The following HTR3D variants were observed in gnomAD, a reference collection of about 807,000 sequenced individuals.
HTR3D encodes the protein 5-hydroxytryptamine (serotonin) receptor 3 family member D.
A neutral mutation model predicts 45.8 loss-of-function variants in HTR3D; 47 were observed. That is an observed-to-expected ratio of 1.03 (90% CI 0.81 to 1.31). The LOEUF is 1.31. HTR3D is among the 50% of genes most tolerant of loss of function. The probability of loss-of-function intolerance (pLI) is 0.00; values close to 1 mark genes in which losing one functional copy is unlikely to be tolerated. For synonymous variants in HTR3D, 203 were observed against 199.8 expected (o/e 1.02, Z -0.13); for missense variants, 448 against 506.9 (o/e 0.88, Z 1.12).
Position 184,038,983 on chromosome 3 carries a change from C to T in HTR3D, c.*8C>T. The T allele has an allele frequency of 6.2e-7, 1 of 1,613,078 alleles. No homozygotes were observed. The highest frequency in any genetic ancestry group is 8.5e-7 in the Non-Finnish European group (1 of 1,179,196). On this transcript the variant is annotated 3_prime_UTR_variant, in exon 8 of 8. Coordinates refer to ENST00000428798, the MANE Select transcript of HTR3D (RefSeq NM_001145143.1). The surrounding 1 kb of genome is among the most constrained non-coding windows in gnomAD (Gnocchi z 4.5). The stretch of plus-strand genomic sequence containing the variant: ...TGCCTCTGGAACACCTAGGCAGGTG[C>T]TCACCTGCAAACTTCAGTCTGGACT...
intron 2 of HTR3D, among the ~76,000 whole-genome samples, chr3:184,035,502 C>T (rs1207911170): frequency 6.6e-6 from 1 of 152,090 alleles, no homozygotes; most frequent in African/African-American, 2.4e-5. Context: ...CAAGCTCAAG[C>T]TCTGTCTTGA....
chr3:184,033,061 G>A (rs752732862), intron 1 of HTR3D: 3 of 1,548,730 alleles, frequency 1.9e-6, no homozygotes, highest in Non-Finnish European at 2.6e-6. Flanking sequence ...TCTGGAAGTT[G>A]TAAGTCCTCA....
In HTR3D at chr3:184,038,412, T is replaced by C. The variant is rs116296474; in HGVS notation, c.773T>C (p.Val258Ala). The change falls in exon 7 of 8, where the codon GTC (valine) becomes GCC (alanine). Residue 258 changes from valine (V) to alanine (A), a missense_variant. By Grantham distance (64) the Val-to-Ala change is moderately conservative. Transcript: ENST00000428798. The surrounding 1 kb of genome is among the most constrained non-coding windows in gnomAD (Gnocchi z 4.5). ...PHPSRDQKRGVYFALCLSLMV... is the reference protein window; with the variant it reads ...PHPSRDQKRGAYFALCLSLMV... ...ATGCAGACCCCCTTGCCTGCAGGTGTCTACTTCGCCCTGTGCCTGTCCCTG... is the reference window on the plus strand; with the variant it reads ...ATGCAGACCCCCTTGCCTGCAGGTGCCTACTTCGCCCTGTGCCTGTCCCTG... 1.1e-3 allele frequency: 1,744 copies of C among 1,614,126 alleles called. 15 individuals carry two copies. The African/African-American group carries it at 0.021, about 19-fold the overall frequency.
At chr3:184,036,141 A>C in intron 3 of HTR3D, 41 bp downstream of exon 3, 1 of 1,535,282 alleles carries the variant, frequency 6.5e-7, no homozygotes, top group Non-Finnish European at 8.8e-7. Context: ...AACCACGTCT[A>C]CAGGGAAGGA....
chr3:184,032,850 G>T, intron 1 of HTR3D: 1 of 1,551,622 alleles, frequency 6.4e-7, no homozygotes, highest in Non-Finnish European at 8.7e-7. Flanking sequence ...CACTCTCCAG[G>T]CCCCCCAGCC....
Position 184,038,461 on chromosome 3 carries a change from C to T in HTR3D, c.822C>T (p.Thr274=). 1 of 1,614,126 alleles carries T rather than the reference C, an allele frequency of 6.2e-7. No individual in the cohort carries two copies. Among genetic ancestry groups the T allele is most frequent in the Non-Finnish European group, 8.5e-7 (1 of 1,180,032 alleles). The change falls in exon 7 of 8, where the codon ACC becomes ACT. Residue 274 remains threonine, a synonymous_variant. Transcript: ENST00000428798. The surrounding 1 kb of genome is among the most constrained non-coding windows in gnomAD (Gnocchi z 4.5). ...TGATGGTGGGCAGCCTGCTGGAGAC[C>T]ATCTTCATCACCCACCTGCTGCACG... ...LSLMVGSLLE[T]IFITHLLHVA...
At chr3:184,032,317 A>G (rs1222915784) in intron 1 of HTR3D, among the ~76,000 whole-genome samples, 3 of 152,156 alleles carry the variant, frequency 2.0e-5, no homozygotes, top group Admixed American at 6.5e-5. Flanking sequence ...AGATAATCCT[A>G]GTGATGAAGA....
Position 184,038,936 on chromosome 3 carries a change from C to T in HTR3D, c.1176C>T (p.Ala392=). ...TCCGCCTCTACCTGCTCTTCATGGC[C>T]TCCTCCATCATCACCGTCATATGCC... The part of the protein sequence containing the change: ...LLFRLYLLFM[A]SSIITVICLW... Residue 392 remains alanine (A), a synonymous_variant, in exon 8 of 8, where the codon GCC becomes GCT. Transcript: ENST00000428798. The surrounding 1 kb of genome is among the most constrained non-coding windows in gnomAD (Gnocchi z 4.5). The T allele has an allele frequency of 6.2e-7, 1 of 1,614,166 alleles. No homozygotes were observed. The highest frequency in any genetic ancestry group is 8.5e-7 in the Non-Finnish European group (1 of 1,180,008).
chr3:184,037,682 G>A (rs577128313), intron 5 of HTR3D, among the ~76,000 whole-genome samples: 149 of 152,260 alleles, frequency 9.8e-4, no homozygotes, highest in Non-Finnish European at 1.7e-3. Flanking sequence ...AGACCTTGAC[G>A]AGAAAAGCAA....
intron 1 of HTR3D, chr3:184,033,013 C>A (rs746026102): frequency 5.2e-6 from 8 of 1,551,950 alleles, no homozygotes; most frequent in Non-Finnish European, 7.0e-6. Context: ...ACTACAGTGT[C>A]GCCACTCATG....
intron 1 of HTR3D, among the ~76,000 whole-genome samples, chr3:184,032,038 A>G (rs1722765334): frequency 7.5e-6 from 1 of 132,512 alleles, no homozygotes; most frequent in Admixed American, 8.6e-5. Flanking sequence ...TCTGTTACCC[A>G]GGCTAGAGTG....
chr3:184,033,202 C>A, intron 1 of HTR3D: 2 of 618,370 alleles, frequency 3.2e-6, no homozygotes, highest in East Asian at 5.8e-5. Flanking sequence ...CTCACTGCAA[C>A]CTCTGCCTCC....
chr3:184,033,055 G>T, intron 1 of HTR3D: 1 of 1,550,576 alleles, frequency 6.4e-7, no homozygotes. Flanking sequence ...CTGCCATCTG[G>T]AAGTTGTAAG....
Position 184,039,201 on chromosome 3 carries a change from C to T in HTR3D, c.*226C>T. 2 of 534,842 alleles carry T rather than the reference C, an allele frequency of 3.7e-6. No homozygotes were observed. The highest frequency in any genetic ancestry group is 2.7e-5 in the South Asian group (1 of 36,522). The allele number at this position is 534,842 out of a possible 1,614,324, so 33.1% of individuals were successfully genotyped here. A position where few individuals can be genotyped will look rare whatever the true frequency, so the allele number is the denominator to read the frequency against. ...ACTCAGCCCTCCCATACCTCCCTGG[C>T]TCCTCAGGATTCAGGTTCCTAGGGT... On this transcript the variant is annotated 3_prime_UTR_variant, in exon 8 of 8. Coordinates refer to ENST00000428798, the MANE Select transcript of HTR3D (RefSeq NM_001145143.1).
At position 184,038,001 on chromosome 3, in the gene HTR3D, C is replaced by A; in HGVS notation, c.517-20C>A. ...CTCCCAGCCTACTTCTCACTTGCCC[C>A]TCCTTCTCCTCCCCACCAGGTGGCC... On this transcript the variant is annotated intron_variant, in intron 5 of 7. Transcript: ENST00000428798. The surrounding 1 kb of genome is among the most constrained non-coding windows in gnomAD (Gnocchi z 4.5). 6.2e-7 allele frequency: 1 copy of A among 1,610,952 alleles called. No individual in the cohort carries two copies. The highest frequency in any genetic ancestry group is 8.5e-7 in the Non-Finnish European group (1 of 1,177,894).
rs778221584 is a variant in HTR3D at position 184,038,338 on chromosome 3, G to T, written c.769+65G>T. 30 of 1,612,322 alleles carry T rather than the reference G, an allele frequency of 1.9e-5. No homozygotes were observed. The highest frequency in any genetic ancestry group is 2.5e-5 in the Non-Finnish European group (29 of 1,178,646). Reference sequence around the variant, plus strand: ...GAAGTGAAAAGGGATCCTGGAAAAAGATCCTCTGGGAAAGAAACAAGAAAT... The same window carrying T: ...GAAGTGAAAAGGGATCCTGGAAAAATATCCTCTGGGAAAGAAACAAGAAAT... On this transcript the variant is annotated intron_variant, in intron 6 of 7. Transcript: ENST00000428798. The surrounding 1 kb of genome is among the most constrained non-coding windows in gnomAD (Gnocchi z 4.5).
In HTR3D at chr3:184,036,830, G is replaced by A. The variant is rs1489744369; in HGVS notation, c.450G>A (p.Leu150=). 2 of 1,551,708 alleles carry A rather than the reference G, an allele frequency of 1.3e-6. No homozygotes were observed. The highest frequency in any genetic ancestry group is 2.0e-5 in the Admixed American group (1 of 50,986). ...SFRTRREWVL[L]GIQKRTIKVT... is the part of the protein sequence containing the mutation. ...GAACAAGGAGGGAGTGGGTACTGCT[G>A]GGTATCCAAAAAAGAACAATAAAGG... is the stretch of plus-strand genomic sequence containing the variant. The change falls in exon 5 of 8, where the codon CTG becomes CTA. Residue 150 remains leucine, a synonymous_variant. Transcript: ENST00000428798.
At chr3:184,035,048 A>G (rs1457593112) in intron 1 of HTR3D, 130 bp from the exon 2 acceptor site, 8 of 1,509,012 alleles carry the variant, frequency 5.3e-6, no homozygotes, top group Non-Finnish European at 7.1e-6. Flanking sequence ...GATCTACATC[A>G]TTTTTCAGTG....
chr3:184,036,292 A>G (rs1722886728), intron 3 of HTR3D, 83 bp from the exon 4 acceptor site: 1 of 1,552,390 alleles, frequency 6.4e-7, no homozygotes, highest in South Asian at 1.2e-5. Context: ...CGAGAATGGG[A>G]TGACCTGACA....
Sources: gnomAD v4.1 joint callset for allele counts (sites outside exome capture counted in the v4.1 genomes callset) on GRCh38, gnomAD v4.1.1 for gene constraint, Gnocchi (gnomAD v3.1) non-coding constraint, MANE v1.5 for transcripts, NCBI Gene and HGNC (gene_info 2026-07-23, HGNC 2026-07-21) for gene names.